Variants in APC2 observed in about 807,000 individuals in gnomAD.
APC2 encodes the protein APC regulator of Wnt signaling pathway 2.
APC2 carries 41 observed loss-of-function variants against 72.5 expected under a neutral mutation model. The ratio of observed to expected loss-of-function variants is 0.57; its 90% confidence interval spans 0.44 to 0.73. The LOEUF is 0.73. Among genes scored for constraint, APC2 ranks in the 30% least tolerant of loss-of-function variants. APC2 has a pLI of 0.00. For synonymous variants in APC2, 1,898 were observed against 1,612.0 expected (o/e 1.18, Z -4.25); for missense variants, 3,729 against 3,403.4 (o/e 1.10, Z -2.38).
rs149174649 is a variant in APC2, at chr19:1,459,101, T to A, written c.1303+1041T>A. ...TGTGAATCTGATGGAGCTAGGGACATCCTAGGAGTGGAATCACACAGGATT... is the reference window on the plus strand; with the variant it reads ...TGTGAATCTGATGGAGCTAGGGACAACCTAGGAGTGGAATCACACAGGATT... On this transcript the variant is annotated intron_variant, in intron 10 of 14. Coordinates refer to ENST00000590469, the MANE Select transcript of APC2 (RefSeq NM_005883.3). Among the ~76,000 whole-genome samples the A allele has an allele frequency of 4.0e-3, 605 of 152,188 alleles. 3 individuals are homozygous for A. The highest frequency in any genetic ancestry group is 0.014 in the African/African-American group (584 of 41,534).
intron 9 of APC2, 125 bp from the exon 10 acceptor site, chr19:1,457,840 T>G: frequency 1.3e-6 from 1 of 787,520 alleles, no homozygotes; most frequent in Non-Finnish European, 2.1e-6. Context: ...AAGTCCCAAC[T>G]TTGCAGCCAT....
rs2084085302 is a variant in APC2 at position 1,469,181 on chromosome 19, G to C, written c.5880G>C (p.Glu1960Asp). Reference sequence around the variant, plus strand: ...GCCCCAGGGGCCGGGCGGGGACCGAGGCGGGCCCGGGGGCGCGCGGGGGCC... The same window carrying C: ...GCCCCAGGGGCCGGGCGGGGACCGACGCGGGCCCGGGGGCGCGCGGGGGCC... ...EPGPRGRAGT[E>D]AGPGARGGRL... is the part of the protein sequence containing the mutation. Residue 1960 changes from glutamate to aspartate, a missense_variant, in exon 15 of 15, where the codon GAG (glutamate) becomes GAC (aspartate). Transcript: ENST00000590469. 1 of 1,281,994 alleles carries C rather than the reference G, an allele frequency of 7.8e-7. No individual in the cohort carries two copies. The allele number at this position is 1,281,994 out of a possible 1,614,324, so 79.4% of individuals were successfully genotyped here.
chr19:1,456,519 G>C, intron 8 of APC2, 115 bp downstream of exon 8: 3 of 1,118,682 alleles, frequency 2.7e-6, no homozygotes, highest in Non-Finnish European at 2.5e-6. Flanking sequence ...CACCCCCTCG[G>C]GTGTAGGAAG....
Position 1,467,940 on chromosome 19 carries a change from G to C in APC2, c.4639G>C (p.Glu1547Gln), listed in dbSNP as rs760468506. The C allele has an allele frequency of 3.2e-6, 5 of 1,586,458 alleles. No homozygotes were observed. In the Admixed American group the frequency reaches 8.4e-5, roughly 27 times the overall value. The change falls in exon 15 of 15, where the codon GAG becomes CAG. Residue 1547 changes from glutamate to glutamine, a missense_variant. Coordinates refer to ENST00000590469, the MANE Select transcript of APC2 (RefSeq NM_005883.3). ...GCGGGAGCGTCCGCAGGGCCGGAAG[G>C]AGGCCCCTGCCCCGTCCAAGGCTGC... ...FTRERPQGRK[E>Q]APAPSKAAPA...
At chr19:1,464,600 T>C (rs1383887115) in intron 14 of APC2, among the ~76,000 whole-genome samples, 1 of 149,834 alleles carries the variant, frequency 6.7e-6, no homozygotes, top group East Asian at 2.0e-4. Context: ...ATACCCCAGA[T>C]ACCACATAGG....
intron 10 of APC2, 92 bp from the exon 11 acceptor site, chr19:1,460,089 A>T: frequency 6.5e-7 from 1 of 1,548,958 alleles, no homozygotes; most frequent in East Asian, 2.3e-5. Context: ...TCTGGGGCAT[A>T]GGGAGGGCCT....
intron 4 of APC2, 137 bp downstream of exon 4, chr19:1,453,748 C>G: frequency 8.2e-7 from 1 of 1,213,282 alleles, no homozygotes; most frequent in Non-Finnish European, 1.1e-6. Flanking sequence ...TATGGCACTG[C>G]CCACCGAACA....
chr19:1,457,419 C>T (rs949077268), intron 9 of APC2, 176 bp downstream of exon 9: 6 of 901,222 alleles, frequency 6.7e-6, no homozygotes, highest in East Asian at 3.0e-5. Context: ...AAGACCCGCC[C>T]ATGATCGTAC....
chr19:1,465,874 TGGA>T lies in APC2; in HGVS notation c.2577_2579del (p.Glu859del), dbSNP rs766525876. 5.7e-6 allele frequency: 9 copies of T among 1,568,146 alleles called. No individual in the cohort carries two copies. Among genetic ancestry groups the T allele is most frequent in the Non-Finnish European group, 7.8e-6 (9 of 1,160,468 alleles). ...GCAGTGGCGCGCATCGACCAGCTGG[TGGA>T]GGACATCTCCGCCCTGCACACCTCG... On this transcript the variant is annotated inframe_deletion, in exon 15 of 15. Coordinates refer to ENST00000590469, the MANE Select transcript of APC2 (RefSeq NM_005883.3).
rs1489035351 is a variant in APC2 at position 1,453,432 on chromosome 19, C to G, written c.234C>G (p.Ala78=). 2.5e-6 allele frequency: 4 copies of G among 1,602,072 alleles called. No homozygotes were observed. The highest frequency in any genetic ancestry group is 3.4e-5 in the Admixed American group (2 of 59,430). The change falls in exon 4 of 15, where the codon GCC becomes GCG. Residue 78 remains alanine, a splice_region_variant and synonymous_variant. Transcript: ENST00000590469. ...GQTEVLEQLK[A]LQMDITSLYN... is the part of the protein sequence containing the mutation. ...TCCGCCCTGTCCCCGCCCATCCAGC[C>G]CTACAGATGGACATCACCAGCCTGT...
intron 8 of APC2, 110 bp from the exon 9 acceptor site, chr19:1,456,743 G>A: frequency 2.3e-6 from 3 of 1,332,514 alleles, no homozygotes; most frequent in South Asian, 1.4e-5. Context: ...CCCCCAGGTG[G>A]GCGTGGGGCT....
At position 1,469,522 on chromosome 19, in the gene APC2, G is replaced by T. The variant is rs895459171; in HGVS notation, c.6221G>T (p.Arg2074Leu). The change falls in exon 15 of 15, where the codon CGG becomes CTG. Residue 2074 changes from arginine to leucine, a missense_variant. Transcript: ENST00000590469. ...CCCAGCCCTGGCGAGCGCCCTGCCC[G>T]GCGCACCACCTCCGAGAGCCCGTCC... ...ARPSPGERPARRTTSESPSRL... is the reference protein window; with the variant it reads ...ARPSPGERPALRTTSESPSRL... The T allele has an allele frequency of 1.8e-5, 21 of 1,162,740 alleles. No homozygotes were observed. Among genetic ancestry groups the T allele is most frequent in the Non-Finnish European group, 2.1e-5 (20 of 936,322 alleles). 72.0% of individuals were successfully genotyped at this position (1,162,740 alleles called of 1,614,324 possible).
Position 1,453,227 on chromosome 19 carries a change from C to T in APC2, c.142-20C>T, listed in dbSNP as rs749912722. On this transcript the variant is annotated intron_variant, in intron 2 of 14. Transcript: ENST00000590469. ...AGTGCAGTGGCTGATGGCTTCCCGC[C>T]CTCTTTCCCGCCCCTGCAGGAGGTC... is the stretch of plus-strand genomic sequence containing the variant. 1.9e-6 allele frequency: 3 copies of T among 1,558,320 alleles called. No homozygotes were observed. Among genetic ancestry groups the T allele is most frequent in the Middle Eastern group, 1.7e-4 (1 of 5,914 alleles).
chr19:1,465,979 C>T lies in APC2; in HGVS notation c.2678C>T (p.Ser893Leu), dbSNP rs781314475. 11 of 1,531,782 alleles carry T rather than the reference C, an allele frequency of 7.2e-6. No homozygotes were observed. The South Asian group carries it at 8.5e-5, about 12-fold the overall frequency. The allele number at this position is 1,531,782 out of a possible 1,614,324, so 94.9% of individuals were successfully genotyped here. ...CGGGAGGGCCGCGCCCAGTCCTGCT[C>T]GCCATGCCGCGGCCCGGAGGGCGGG... is the stretch of plus-strand genomic sequence containing the variant. ...APREGRAQSC[S>L]PCRGPEGGRR... The change falls in exon 15 of 15, where the codon TCG (serine) becomes TTG (leucine). Residue 893 changes from serine (S) to leucine (L), a missense_variant. By Grantham distance (145) the Ser-to-Leu change is moderately radical. Coordinates refer to ENST00000590469, the MANE Select transcript of APC2 (RefSeq NM_005883.3).
Position 1,466,915 on chromosome 19 carries a change from C to A in APC2, c.3614C>A (p.Thr1205Asn). The change falls in exon 15 of 15, where the codon ACC (threonine) becomes AAC (asparagine). Residue 1205 changes from threonine (T) to asparagine (N), a missense_variant. Coordinates refer to ENST00000590469, the MANE Select transcript of APC2 (RefSeq NM_005883.3). ...PSELPDSPGQ[T>N]MPPSRSKTPP... ...GAGCTGCCCGACAGCCCCGGACAGACCATGCCTCCCAGCCGGAGCAAGACG... is the reference window on the plus strand; with the variant it reads ...GAGCTGCCCGACAGCCCCGGACAGAACATGCCTCCCAGCCGGAGCAAGACG... 6.3e-7 allele frequency: 1 copy of A among 1,589,954 alleles called. No homozygotes were observed. The highest frequency in any genetic ancestry group is 8.6e-7 in the Non-Finnish European group (1 of 1,168,856).
Position 1,469,464 on chromosome 19 carries a change from GC to G in APC2, c.6167del (p.Pro2056ArgfsTer279), listed in dbSNP as rs1455894157. On this transcript the variant is annotated frameshift_variant, in exon 15 of 15. Coordinates refer to ENST00000590469, the MANE Select transcript of APC2 (RefSeq NM_005883.3). LOFTEE classifies it low-confidence loss of function (END_TRUNC). ...ELRAAPRQGP[A>X]PARQRPPAAR... ...CCGAGCGGCACCCCGGCAGGGCCCGGCCCCGGCCCGGCAGCGGCCCCCCGCG... is the reference window on the plus strand; with the variant it reads ...CCGAGCGGCACCCCGGCAGGGCCCGGCCCGGCCCGGCAGCGGCCCCCCGCG... 2 of 1,128,810 alleles carry G rather than the reference GC, an allele frequency of 1.8e-6. No homozygotes were observed. The highest frequency in any genetic ancestry group is 4.9e-5 in the Admixed American group (1 of 20,240). The allele number at this position is 1,128,810 out of a possible 1,614,324, so 69.9% of individuals were successfully genotyped here.
At position 1,456,414 on chromosome 19, in the gene APC2, AG is replaced by A. The variant is rs776510776; in HGVS notation, c.816+13del. ...GCCGGGCAACAGCAAGGTGAGGGGG[AG>A]GGTGAAACGGGGGCTGGCGCAGCTG... On this transcript the variant is annotated intron_variant, in intron 8 of 14. Coordinates refer to ENST00000590469, the MANE Select transcript of APC2 (RefSeq NM_005883.3). The A allele has an allele frequency of 1.9e-6, 3 of 1,588,148 alleles. No individual in the cohort carries two copies. Among genetic ancestry groups the A allele is most frequent in the Admixed American group, 1.7e-5 (1 of 57,762 alleles).
intron 9 of APC2, 118 bp downstream of exon 9, chr19:1,457,361 C>T (rs1202801717): frequency 1.3e-5 from 18 of 1,374,984 alleles, no homozygotes; most frequent in Middle Eastern, 2.6e-4. Flanking sequence ...TTGGAGGCTG[C>T]AGTACCAGGC....
At position 1,469,376 on chromosome 19, in the gene APC2, G is replaced by A. The variant is rs1269921671; in HGVS notation, c.6075G>A (p.Ser2025=). ...CGGCCTCTGCCCCCCAGGGCGCCTC[G>A]CCCCGCCGCGGCCGGCCCGCGCTGC... is the stretch of plus-strand genomic sequence containing the variant. The part of the protein sequence containing the change: ...ESAASAPQGA[S]PRRGRPALPA... Residue 2025 remains serine (S), a synonymous_variant, in exon 15 of 15, where the codon TCG becomes TCA. Coordinates refer to ENST00000590469, the MANE Select transcript of APC2 (RefSeq NM_005883.3). 8.1e-7 allele frequency: 1 copy of A among 1,234,970 alleles called. No individual in the cohort carries two copies. Among genetic ancestry groups the A allele is most frequent in the East Asian group, 3.7e-5 (1 of 26,692 alleles). The allele number at this position is 1,234,970 out of a possible 1,614,324, so 76.5% of individuals were successfully genotyped here.
Sources: gnomAD v4.1 joint callset for allele counts (sites outside exome capture counted in the v4.1 genomes callset) on GRCh38, gnomAD v4.1.1 for gene constraint, MANE v1.5 for transcripts, NCBI Gene and HGNC (gene_info 2026-07-23, HGNC 2026-07-21) for gene names.